Variants in GLIS3 observed in about 807,000 individuals in gnomAD.
GLIS3 encodes zinc finger protein GLIS3.
GLIS3 carries 53 observed loss-of-function variants against 78.6 expected under a neutral mutation model. The observed-to-expected ratio is 0.67, with a 90% confidence interval of 0.54 to 0.85. The LOEUF (loss-of-function observed/expected upper bound fraction) is 0.85, where lower values mean the gene tolerates loss of function less well. Ranked by LOEUF, GLIS3 falls within the 40% of genes least tolerant of loss-of-function variation. The pLI, the probability that GLIS3 is intolerant of heterozygous loss-of-function variation, is 0.00. For synonymous variants in GLIS3, 684 were observed against 509.9 expected, an observed-to-expected ratio of 1.34 and a Z score of -4.60; for missense variants, 1,703 against 1,231.1, an observed-to-expected ratio of 1.38 and a Z score of -5.74.
intron 2 of GLIS3, among the ~76,000 whole-genome samples, chr9:4,128,084 A>C (rs894812498): frequency 1.1e-4 from 17 of 152,386 alleles, no homozygotes; most frequent in African/African-American, 4.1e-4. Context: ...CCTTAGAGCC[A>C]ATACAAACTA....
intron 4 of GLIS3, among the ~76,000 whole-genome samples, chr9:3,940,680 A>T (rs1168288885): frequency 2.6e-5 from 4 of 152,190 alleles, no homozygotes; most frequent in Admixed American, 1.3e-4. Flanking sequence ...CAAGGAGGAA[A>T]CAGAAGGTGG....
chr9:3,874,197 G>C (rs1396172230), intron 8 of GLIS3, among the ~76,000 whole-genome samples: 2 of 152,208 alleles, frequency 1.3e-5, no homozygotes. Flanking sequence ...AACTCTGAGG[G>C]AAGAGGGGCC....
chr9:4,100,576 T>C (rs1320576069), intron 4 of GLIS3, among the ~76,000 whole-genome samples: 1 of 152,178 alleles, frequency 6.6e-6, no homozygotes, highest in African/African-American at 2.4e-5. Flanking sequence ...TTAAACAGGA[T>C]GAAATGATTC....
chr9:4,297,664 G>A (rs1221824860), intron 1 of GLIS3, among the ~76,000 whole-genome samples: 1 of 151,996 alleles, frequency 6.6e-6, no homozygotes, highest in South Asian at 2.1e-4. Context: ...CTGTGATTCC[G>A]GAAGCACCTC....
chr9:4,023,380 A>C (rs1823044539), intron 4 of GLIS3, among the ~76,000 whole-genome samples: 1 of 152,206 alleles, frequency 6.6e-6, no homozygotes, highest in African/African-American at 2.4e-5. Flanking sequence ...TTTCCAAAGA[A>C]ACCCTTGGAA....
rs522121 is a variant in GLIS3 at position 3,988,176 on chromosome 9, G to T, written c.1711-50987C>A. On this transcript the variant is annotated intron_variant, in intron 4 of 10. Coordinates refer to ENST00000381971, the MANE Select transcript of GLIS3 (RefSeq NM_001042413.2). ...GTCAACTGTGAAGTTTATATTCAGA[G>T]AAACTATCCTTCATAAATGAAAAAA... 4.8e-3 allele frequency among the ~76,000 whole-genome samples: 735 copies of T among 151,828 alleles called. 7 individuals are homozygous for T. Among genetic ancestry groups the T allele is most frequent in the African/African-American group, 0.017 (708 of 41,426 alleles).
At chr9:4,330,448 G>T (rs1389256572) in intron 2 of GLIS3, among the ~76,000 whole-genome samples, 2 of 152,234 alleles carry the variant, frequency 1.3e-5, no homozygotes, top group Non-Finnish European at 2.9e-5. Flanking sequence ...TAGTGTTTAG[G>T]CTTTGATAGT....
intron 2 of GLIS3, among the ~76,000 whole-genome samples, chr9:4,183,195 G>A (rs1408032428): frequency 6.6e-6 from 1 of 152,180 alleles, no homozygotes; most frequent in Non-Finnish European, 1.5e-5. Flanking sequence ...ACAGGCTGAA[G>A]CCAGGTGGTA....
the GLIS3 span, among the ~76,000 whole-genome samples, chr9:4,434,110 A>G: frequency 6.6e-6 from 1 of 151,832 alleles, no homozygotes; most frequent in African/African-American, 2.4e-5. Flanking sequence ...AAAAAAAAAA[A>G]AAGAATGGTC....
intron 4 of GLIS3, among the ~76,000 whole-genome samples, chr9:3,991,897 G>A (rs138304925): frequency 0.016 from 2,491 of 151,864 alleles, 25 homozygotes; most frequent in South Asian, 0.035. Context: ...TCACCGTATT[G>A]GCCAGGACAG....
At chr9:4,121,661 A>ACACACC (rs879804022) in intron 3 of GLIS3, among the ~76,000 whole-genome samples, 11 of 145,116 alleles carry the variant, frequency 7.6e-5, no homozygotes, top group Non-Finnish European at 1.4e-4. Context: ...ACACACACAC[A>ACACACC]CCCCAAAGTT....
At chr9:4,101,503 T>C (rs1830368655) in intron 4 of GLIS3, among the ~76,000 whole-genome samples, 1 of 152,188 alleles carries the variant, frequency 6.6e-6, no homozygotes, top group Non-Finnish European at 1.5e-5. Flanking sequence ...CTAGTTGTTC[T>C]AAACAAAATA....
chr9:4,370,367 G>A, the GLIS3 span, among the ~76,000 whole-genome samples: 1 of 152,000 alleles, frequency 6.6e-6, no homozygotes, highest in Non-Finnish European at 1.5e-5. Flanking sequence ...CCTTCCCTGA[G>A]AGCCATGGGG....
rs142243841 is a variant in GLIS3 at position 4,324,455 on chromosome 9, C to T, written n.265-13927G>A. 6.2e-4 allele frequency among the ~76,000 whole-genome samples: 94 copies of T among 152,208 alleles called. No homozygotes were observed. The East Asian group carries it at 7.9e-3, about 13-fold the overall frequency. ...CACCTCACGGGATTGTTTTGAGAAC[C>T]ATATGAGATAAAACAGGTGAAAAGT... is the stretch of plus-strand genomic sequence containing the variant. On this transcript the variant is annotated intron_variant and non_coding_transcript_variant, in intron 2 of 4. Coordinates refer to the GLIS3 transcript ENST00000471664.
At chr9:4,156,472 A>C (rs899162768) in intron 2 of GLIS3, among the ~76,000 whole-genome samples, 19 of 152,242 alleles carry the variant, frequency 1.2e-4, no homozygotes, top group African/African-American at 4.1e-4. Context: ...TCCTGTGTTA[A>C]GTATTACAGA....
chr9:3,832,767 C>G (rs1302199920), intron 9 of GLIS3, among the ~76,000 whole-genome samples: 2 of 152,158 alleles, frequency 1.3e-5, no homozygotes, highest in South Asian at 2.1e-4. Flanking sequence ...TATGCAAACT[C>G]TCCTCATATT....
At chr9:3,961,150 C>T (rs889454108) in intron 4 of GLIS3, among the ~76,000 whole-genome samples, 1 of 152,182 alleles carries the variant, frequency 6.6e-6, no homozygotes, top group Non-Finnish European at 1.5e-5. Flanking sequence ...ACAAGGATCA[C>T]CCTAAATAGG....
chr9:4,270,673 G>A (rs1178715131), intron 2 of GLIS3, among the ~76,000 whole-genome samples: 2 of 152,138 alleles, frequency 1.3e-5, no homozygotes, highest in Non-Finnish European at 2.9e-5. Context: ...ATAAACATAA[G>A]TCAAACTTCT....
chr9:4,467,101 C>G, the GLIS3 span, among the ~76,000 whole-genome samples: 1 of 152,204 alleles, frequency 6.6e-6, no homozygotes, highest in Non-Finnish European at 1.5e-5. Context: ...TCTGCCATTG[C>G]TGACGCTTGA....
Sources: allele counts gnomAD v4.1 joint callset (sites outside exome capture counted in the v4.1 genomes callset), GRCh38; gene constraint gnomAD v4.1.1; transcripts MANE v1.5; gene names NCBI Gene and HGNC (gene_info 2026-07-23, HGNC 2026-07-21).